Variants in DOP1B observed in about 807,000 individuals in gnomAD.
DOP1B encodes the protein DOP1 leucine zipper like protein B.
Under a neutral mutation model 233.5 loss-of-function variants are expected in DOP1B, and 174 were observed. That is an observed-to-expected ratio of 0.75 (90% CI 0.66 to 0.85). The LOEUF (loss-of-function observed/expected upper bound fraction) is 0.85. DOP1B is among the 40% of genes least tolerant of loss of function. The probability of loss-of-function intolerance (pLI) is 0.00; values close to 1 mark genes in which losing one functional copy is unlikely to be tolerated. For synonymous variants in DOP1B, 1,190 were observed against 1,185.6 expected (o/e 1.00, Z -0.08); for missense variants, 2,652 against 2,846.6 (o/e 0.93, Z 1.56).
At chr21:36,197,079 C>T (rs185355654) in intron 2 of DOP1B, among the ~76,000 whole-genome samples, 9 of 151,924 alleles carry the variant, frequency 5.9e-5, no homozygotes, top group East Asian at 1.9e-4. Flanking sequence ...ATTATAGGCA[C>T]GCGCCACCAT....
chr21:36,289,356 C>A, intron 35 of DOP1B, 150 bp downstream of exon 35: 4 of 801,854 alleles, frequency 5.0e-6, no homozygotes, highest in Non-Finnish European at 7.9e-6. Flanking sequence ...TACCAAGTTT[C>A]AGATTACTTG....
At chr21:36,226,577 A>T in intron 12 of DOP1B, among the ~76,000 whole-genome samples, 1 of 151,350 alleles carries the variant, frequency 6.6e-6, no homozygotes, top group Non-Finnish European at 1.5e-5. Context: ...GGGATTACAG[A>T]TGTGAGCCAC....
In DOP1B at chr21:36,293,490, T is replaced by C. The variant is rs756289839; in HGVS notation, c.6816T>C (p.Phe2272=). The C allele has an allele frequency of 7.4e-6, 12 of 1,614,072 alleles. No homozygotes were observed. The East Asian group carries it at 1.3e-4, about 18-fold the overall frequency. ...ADSPGTPFLD[F]PVTDSPRILK... Reference sequence around the variant, plus strand: ...GCCCAGGAACTCCATTCTTGGACTTTCCTGTCACAGATAGCCCAAGGATCT... The same window carrying C: ...GCCCAGGAACTCCATTCTTGGACTTCCCTGTCACAGATAGCCCAAGGATCT... Residue 2272 remains phenylalanine, a synonymous_variant, in exon 37 of 37, where the codon TTT becomes TTC. Transcript: ENST00000691173.
chr21:36,247,984 C>T (rs16994007), intron 20 of DOP1B, among the ~76,000 whole-genome samples: 10,664 of 152,264 alleles, frequency 0.07, 585 homozygotes, highest in African/African-American at 0.16. Context: ...ACTTATAAAG[C>T]CACTTGTTTG....
In DOP1B at chr21:36,214,486, G is replaced by A. The variant is rs1238313148; in HGVS notation, c.1059G>A (p.Val353=). ...ILHQKFIDAD[V]EERHHAYLKP... ...ATCAGAAGTTCATAGATGCTGACGT[G>A]GAGGAACGCCATCATGCATACCTGA... is the stretch of plus-strand genomic sequence containing the variant. Residue 353 remains valine (V), a synonymous_variant, in exon 9 of 37, where the codon GTG becomes GTA. Coordinates refer to ENST00000691173, the MANE Select transcript of DOP1B (RefSeq NM_001320714.2). 6.2e-7 allele frequency: 1 copy of A among 1,613,782 alleles called. No individual in the cohort carries two copies. Among genetic ancestry groups the A allele is most frequent in the South Asian group, 1.1e-5 (1 of 91,016 alleles).
At chr21:36,182,993 G>A (rs1360229800) in intron 2 of DOP1B, among the ~76,000 whole-genome samples, 9 of 152,156 alleles carry the variant, frequency 5.9e-5, no homozygotes, top group Non-Finnish European at 8.8e-5. Context: ...TTCTGGCTGC[G>A]GGTGGGTGGT....
chr21:36,175,357 C>T (rs138386584), intron 2 of DOP1B, among the ~76,000 whole-genome samples: 10,870 of 151,890 alleles, frequency 0.072, 542 homozygotes, highest in Non-Finnish European at 0.11. Context: ...GTGATCCGCC[C>T]GCCTCGGCCT....
intron 35 of DOP1B, among the ~76,000 whole-genome samples, chr21:36,289,880 G>A (rs1039280472): frequency 4.6e-5 from 7 of 152,208 alleles, no homozygotes; most frequent in Middle Eastern, 3.2e-3. Context: ...GTGGTCGCCA[G>A]GGGTTGGGGA....
At chr21:36,287,434 G>A (rs1280889913) in intron 32 of DOP1B, among the ~76,000 whole-genome samples, 1 of 152,082 alleles carries the variant, frequency 6.6e-6, no homozygotes, top group African/African-American at 2.4e-5. Flanking sequence ...TCTGGTGACA[G>A]ATGTTCATGT....
At chr21:36,166,228 A>G (rs1011174200) in intron 2 of DOP1B, among the ~76,000 whole-genome samples, 4 of 151,530 alleles carry the variant, frequency 2.6e-5, no homozygotes, top group Admixed American at 2.6e-4. Flanking sequence ...CAAAATCAGG[A>G]GATCGAGACC....
Position 36,293,751 on chromosome 21 carries a change from G to A in DOP1B, c.*180G>A. 3.2e-6 allele frequency: 2 copies of A among 620,248 alleles called. No homozygotes were observed. Among genetic ancestry groups the A allele is most frequent in the Non-Finnish European group, 5.5e-6 (2 of 364,034 alleles). 38.4% of individuals were successfully genotyped at this position (620,248 alleles called of 1,614,324 possible). ...TAATCTCAGCACTTTGGGAGGCCAA[G>A]GCAGGCAGATCACTTGAGGTCAGGA... On this transcript the variant is annotated 3_prime_UTR_variant, in exon 37 of 37. Coordinates refer to ENST00000691173, the MANE Select transcript of DOP1B (RefSeq NM_001320714.2).
rs748543696 is a variant in DOP1B at position 36,263,795 on chromosome 21, A to G, written c.5468A>G (p.Lys1823Arg). Reference sequence around the variant, plus strand: ...AGAACTCCCAACCTGGAAAACAAGAAGGACCAAAAAGACCTGCAGGTTTGT... The same window carrying G: ...AGAACTCCCAACCTGGAAAACAAGAGGGACCAAAAAGACCTGCAGGTTTGT... ...VTRTPNLENK[K>R]DQKDLQEITQ... is the part of the protein sequence containing the mutation. Residue 1823 changes from lysine (K) to arginine (R), a missense_variant, in exon 26 of 37, where the codon AAG becomes AGG. Lys to Arg is a conservative substitution (Grantham distance 26, BLOSUM62 2). This residue lies in a region of DOP1B where 2,617 missense variants were observed against 2,794.3 expected (regional missense o/e 0.94). Coordinates refer to ENST00000691173, the MANE Select transcript of DOP1B (RefSeq NM_001320714.2). 2.5e-6 allele frequency: 4 copies of G among 1,614,238 alleles called. No individual in the cohort carries two copies. The South Asian group carries it at 4.4e-5, about 18-fold the overall frequency.
At chr21:36,253,326 T>A (rs139537745) in intron 22 of DOP1B, among the ~76,000 whole-genome samples, 1,971 of 152,372 alleles carry the variant, frequency 0.013, 36 homozygotes, top group African/African-American at 0.046. Context: ...AGCCCCATCA[T>A]GGCCTGCACC....
At chr21:36,240,412 A>G (rs1256039762) in intron 18 of DOP1B, among the ~76,000 whole-genome samples, 1 of 152,178 alleles carries the variant, frequency 6.6e-6, no homozygotes. Context: ...CCCGGGAGGT[A>G]GAGATTGCAG....
chr21:36,259,804 G>A (rs189062172), intron 23 of DOP1B, among the ~76,000 whole-genome samples: 5 of 152,094 alleles, frequency 3.3e-5, no homozygotes, highest in South Asian at 2.1e-4. Flanking sequence ...TAAAGGAACC[G>A]GATTTTATCT....
At chr21:36,277,817 T>A (rs551688551) in intron 28 of DOP1B, among the ~76,000 whole-genome samples, 158 bp from the exon 29 acceptor site, 12 of 151,642 alleles carry the variant, frequency 7.9e-5, no homozygotes, top group African/African-American at 2.9e-4. Flanking sequence ...AATTTTTGTA[T>A]TTTTAGTAGA....
chr21:36,165,406 G>A (rs1024850498), intron 2 of DOP1B, among the ~76,000 whole-genome samples: 10 of 152,056 alleles, frequency 6.6e-5, no homozygotes, highest in Non-Finnish European at 1.3e-4. Context: ...GTGTGTGTGT[G>A]TGCATGTGTG....
chr21:36,281,795 G>A (rs2067419920), intron 32 of DOP1B, among the ~76,000 whole-genome samples, 184 bp downstream of exon 32: 1 of 152,144 alleles, frequency 6.6e-6, no homozygotes, highest in Non-Finnish European at 1.5e-5. Context: ...AAAGGCAAAA[G>A]AGCAAGAGGG....
At chr21:36,198,273 CA>C (rs1280379130) in intron 2 of DOP1B, among the ~76,000 whole-genome samples, 102 of 151,114 alleles carry the variant, frequency 6.7e-4, no homozygotes, top group African/African-American at 2.4e-3. Flanking sequence ...ACTAAAAATA[CA>C]AAAAATTAGT....
Sources: gnomAD v4.1 joint callset for allele counts (sites outside exome capture counted in the v4.1 genomes callset) on GRCh38, gnomAD v4.1.1 for gene constraint, gnomAD v4.1.1 regional missense constraint, MANE v1.5 for transcripts, NCBI Gene and HGNC (gene_info 2026-07-23, HGNC 2026-07-21) for gene names.